The following COL4A1 variants were observed in gnomAD, a reference collection of about 807,000 sequenced individuals.
COL4A1 encodes the protein collagen type IV alpha 1 chain, also known as collagen alpha-1(IV) chain.
Under a neutral mutation model 216.6 loss-of-function variants are expected in COL4A1, and 40 were observed. That is an observed-to-expected ratio of 0.18 (90% CI 0.14 to 0.24). The LOEUF is 0.24. Ranked by LOEUF, COL4A1 falls within the 10% of genes least tolerant of loss-of-function variation. The pLI, the probability that COL4A1 is intolerant of heterozygous loss-of-function variation, is 1.00. For missense variants in COL4A1, 1,628 were observed against 2,196.8 expected (o/e 0.74, Z 5.18); for synonymous variants, 839 against 810.7 (o/e 1.03, Z -0.59).
intron 48 of COL4A1, chr13:110,161,987 C>T (rs1400332106): frequency 8.8e-6 from 5 of 571,344 alleles, no homozygotes; most frequent in African/African-American, 3.7e-5. Context: ...TAAAGATTTT[C>T]GAAGATTCAG....
At chr13:110,277,619 CCA>C (rs1469485031) in intron 1 of COL4A1, among the ~76,000 whole-genome samples, 1 of 152,188 alleles carries the variant, frequency 6.6e-6, no homozygotes, top group Non-Finnish European at 1.5e-5. Flanking sequence ...GACCTCACCA[CCA>C]CACAGTATGT....
At chr13:110,198,661 A>C in intron 20 of COL4A1, 30 bp from the exon 21 acceptor site, 2 of 1,613,574 alleles carry the variant, frequency 1.2e-6, no homozygotes, top group Non-Finnish European at 1.7e-6. Context: ...CACATCAGTA[A>C]CCTCAGGGCC....
intron 28 of COL4A1, among the ~76,000 whole-genome samples, chr13:110,182,352 T>C (rs1041821742): frequency 6.6e-6 from 1 of 152,126 alleles, no homozygotes; most frequent in Admixed American, 6.5e-5. Context: ...TCAACCTAAG[T>C]GTGGCTGCGT....
At chr13:110,253,796 CGT>C (rs1882379960) in intron 1 of COL4A1, among the ~76,000 whole-genome samples, 4 of 69,812 alleles carry the variant, frequency 5.7e-5, no homozygotes, top group Non-Finnish European at 1.5e-4. Context: ...TATAATTATA[CGT>C]ATATATGTAT....
intron 1 of COL4A1, among the ~76,000 whole-genome samples, chr13:110,286,724 C>T (rs2139306401): frequency 6.6e-6 from 1 of 152,318 alleles, no homozygotes; most frequent in East Asian, 1.9e-4. Flanking sequence ...TGCAGCCCTG[C>T]TGGCCTCGCA....
At chr13:110,232,379 C>A (rs1365978834) in intron 2 of COL4A1, among the ~76,000 whole-genome samples, 1 of 152,164 alleles carries the variant, frequency 6.6e-6, no homozygotes, top group Non-Finnish European at 1.5e-5. Context: ...CATTTTTGAG[C>A]GTGCAGTTCT....
chr13:110,203,703 G>A (rs1879353069), intron 17 of COL4A1, 96 bp from the exon 18 acceptor site: 1 of 1,297,036 alleles, frequency 7.7e-7, no homozygotes, highest in Non-Finnish European at 1.1e-6. Context: ...AATAGAGTGT[G>A]CCTACAGTAA....
intron 9 of COL4A1, 25 bp downstream of exon 9, chr13:110,210,104 T>A (rs750960232): frequency 6.2e-7 from 1 of 1,614,000 alleles, no homozygotes; most frequent in Non-Finnish European, 8.5e-7. Context: ...TGGCACATGT[T>A]CATAATGATT....
intron 1 of COL4A1, among the ~76,000 whole-genome samples, chr13:110,249,638 G>A (rs1399208546): frequency 6.6e-6 from 1 of 152,166 alleles, no homozygotes; most frequent in African/African-American, 2.4e-5. Context: ...TTCTGGTAAT[G>A]TTCTGGTCCG....
At chr13:110,166,127 T>A in intron 45 of COL4A1, 105 bp downstream of exon 45, 1 of 786,268 alleles carries the variant, frequency 1.3e-6, no homozygotes, top group Non-Finnish European at 2.4e-6. Context: ...GATTTTTGAG[T>A]CATTTCACAT....
chr13:110,176,955 G>T lies in COL4A1; in HGVS notation c.2799C>A (p.Gly933=). 6.2e-7 allele frequency: 1 copy of T among 1,614,178 alleles called. No homozygotes were observed. Among genetic ancestry groups the T allele is most frequent in the Non-Finnish European group, 8.5e-7 (1 of 1,180,040 alleles). The change falls in exon 34 of 52, where the codon GGC becomes GGA. Residue 933 remains glycine (G), a synonymous_variant. Transcript: ENST00000375820. ...CCACCTTATCCATGGAGCCAGGCTT[G>T]CCAGGGAGACCGACATCCCCCTTAT... ...KGDKGDVGLP[G]KPGSMDKVDM...
chr13:110,291,567 C>T (rs566952993), intron 1 of COL4A1, among the ~76,000 whole-genome samples: 22 of 152,356 alleles, frequency 1.4e-4, no homozygotes, highest in African/African-American at 4.3e-4. Context: ...CTAGACTTGT[C>T]AGTTTCCTTA....
At chr13:110,249,566 C>T (rs1482627347) in intron 1 of COL4A1, among the ~76,000 whole-genome samples, 6 of 152,210 alleles carry the variant, frequency 3.9e-5, no homozygotes, top group East Asian at 1.9e-4. Flanking sequence ...AACAAGATGA[C>T]GTTGGATCCT....
At chr13:110,154,610 A>T (rs1041349300) in intron 50 of COL4A1, among the ~76,000 whole-genome samples, 1 of 152,276 alleles carries the variant, frequency 6.6e-6, no homozygotes, top group Non-Finnish European at 1.5e-5. Context: ...AGTTGGTCAC[A>T]TGGAGAAGCT....
At chr13:110,269,201 T>C (rs1883153781) in intron 1 of COL4A1, among the ~76,000 whole-genome samples, 1 of 152,228 alleles carries the variant, frequency 6.6e-6, no homozygotes, top group Non-Finnish European at 1.5e-5. Flanking sequence ...AAAATCCATT[T>C]CCTGATGCCA....
At chr13:110,265,253 A>G (rs939256659) in intron 1 of COL4A1, 2 of 152,280 alleles carry the variant, frequency 1.3e-5, no homozygotes, top group African/African-American at 4.8e-5. Context: ...CGCCGACTGC[A>G]ATACGATTTT....
intron 21 of COL4A1, among the ~76,000 whole-genome samples, chr13:110,197,405 C>T (rs918433514): frequency 3.9e-5 from 6 of 152,280 alleles, no homozygotes; most frequent in East Asian, 3.9e-4. Flanking sequence ...CTCCCTTCCC[C>T]GCTGAATGAA....
At position 110,183,240 on chromosome 13, in the gene COL4A1, G is replaced by A; in HGVS notation, c.1934C>T (p.Pro645Leu). The change falls in exon 27 of 52, where the codon CCA becomes CTA. Residue 645 changes from proline to leucine, a missense_variant. By Grantham distance (98) the Pro-to-Leu change is moderately conservative. This residue lies in a region of COL4A1 where 701 missense variants were observed against 892.5 expected (regional missense o/e 0.79). Transcript: ENST00000375820. ...CAGTCCTTCTGCTCCAGGGGGGCCT[G>A]GTAAAGGAACAATTTTTCCTGGTTC... The part of the protein sequence containing the change: ...KGEPGKIVPL[P>L]GPPGAEGLPG... 6.2e-7 allele frequency: 1 copy of A among 1,613,718 alleles called. No individual in the cohort carries two copies. The highest frequency in any genetic ancestry group is 8.5e-7 in the Non-Finnish European group (1 of 1,179,978).
chr13:110,225,135 C>T (rs954610853), intron 2 of COL4A1, among the ~76,000 whole-genome samples: 4 of 152,122 alleles, frequency 2.6e-5, no homozygotes, highest in Admixed American at 6.6e-5. Context: ...TGAGTGGTTC[C>T]GTAGTCCCTG....
Sources: allele counts gnomAD v4.1 joint callset (sites outside exome capture counted in the v4.1 genomes callset), GRCh38; gene constraint gnomAD v4.1.1; regional missense constraint gnomAD v4.1.1; transcripts MANE v1.5; gene names NCBI Gene and HGNC (gene_info 2026-07-23, HGNC 2026-07-21).